The following BLVRA variants were observed in gnomAD, a reference collection of about 807,000 sequenced individuals.
BLVRA encodes BVR A.
BLVRA carries 22 observed loss-of-function variants against 32.8 expected under a neutral mutation model. The observed-to-expected ratio is 0.67, with a 90% confidence interval of 0.48 to 0.96. BLVRA has a LOEUF of 0.96. BLVRA is among the 40% of genes least tolerant of loss of function. BLVRA has a pLI of 0.00. For synonymous variants in BLVRA, 119 were observed against 141.3 expected, an observed-to-expected ratio of 0.84 and a Z score of 1.12; for missense variants, 323 against 358.1, an observed-to-expected ratio of 0.90 and a Z score of 0.79.
At chr7:43,777,892 T>C (rs1563540364) in intron 2 of BLVRA, among the ~76,000 whole-genome samples, 1 of 152,242 alleles carries the variant, frequency 6.6e-6, no homozygotes, top group Non-Finnish European at 1.5e-5. Context: ...TTTCATTCAT[T>C]TCATCTTCCG....
At chr7:43,784,033 C>CA (rs2095773695) in intron 2 of BLVRA, among the ~76,000 whole-genome samples, 1 of 152,208 alleles carries the variant, frequency 6.6e-6, no homozygotes, top group Non-Finnish European at 1.5e-5. Flanking sequence ...GAGTGCCAAA[C>CA]ACCAGCTTCT....
At chr7:43,765,148 A>C (rs1268289435) in intron 1 of BLVRA, among the ~76,000 whole-genome samples, 1 of 152,262 alleles carries the variant, frequency 6.6e-6, no homozygotes. Flanking sequence ...GTTTCTGCAA[A>C]GGTGTTGACT....
chr7:43,772,712 G>A (rs2095755979), intron 2 of BLVRA, among the ~76,000 whole-genome samples: 1 of 152,210 alleles, frequency 6.6e-6, no homozygotes, highest in African/African-American at 2.4e-5. Context: ...TTCACAAGGT[G>A]GCAAGAAGGC....
intron 1 of BLVRA, among the ~76,000 whole-genome samples, chr7:43,768,756 T>C (rs1356352566): frequency 6.6e-6 from 1 of 151,990 alleles, no homozygotes; most frequent in African/African-American, 2.4e-5. Context: ...CAGTAGGGTG[T>C]TGGGGAGGGC....
intron 2 of BLVRA, among the ~76,000 whole-genome samples, chr7:43,781,586 CT>C (rs1305764085): frequency 1.3e-5 from 2 of 152,178 alleles, no homozygotes; most frequent in Non-Finnish European, 2.9e-5. Context: ...ACCCAAATGC[CT>C]CTCGACCTCC....
At chr7:43,773,611 G>A (rs1272314959) in intron 2 of BLVRA, among the ~76,000 whole-genome samples, 6 of 152,166 alleles carry the variant, frequency 3.9e-5, no homozygotes, top group South Asian at 2.1e-4. Context: ...GTGTGCATGT[G>A]TCTTTATAGC....
rs771053277 is a variant in BLVRA at position 43,787,995 on chromosome 7, C to A, written c.104C>A (p.Ala35Glu). The change falls in exon 3 of 8, where the codon GCG becomes GAG. Residue 35 changes from alanine to glutamate, a missense_variant. Physicochemically the swap from Ala to Glu is moderately radical, Grantham distance 107. Transcript: ENST00000265523. The surrounding 1 kb of genome is among the most constrained non-coding windows in gnomAD (Gnocchi z 4.5). Reference protein sequence around the residue: ...RDLRNPHPSSAFLNLIGFVSR... With the variant: ...RDLRNPHPSSEFLNLIGFVSR... ...TTGCGGAATCCACACCCTTCCTCAG[C>A]GTTCCTGAACCTGATTGGCTTCGTG... 6.2e-6 allele frequency: 10 copies of A among 1,614,168 alleles called. No homozygotes were observed. The highest frequency in any genetic ancestry group is 7.6e-6 in the Non-Finnish European group (9 of 1,180,042).
Position 43,792,696 on chromosome 7 carries a change from T to C in BLVRA, c.255-19T>C. 6.2e-7 allele frequency: 1 copy of C among 1,603,336 alleles called. No homozygotes were observed. The highest frequency in any genetic ancestry group is 8.5e-7 in the Non-Finnish European group (1 of 1,170,242). ...TTATTCGAAGTGTTCTTTCTCTGTA[T>C]TTGTCTCGTTTACCAAAGGCAGTTC... is the stretch of plus-strand genomic sequence containing the variant. On this transcript the variant is annotated intron_variant, in intron 4 of 7. Coordinates refer to ENST00000265523, the MANE Select transcript of BLVRA (RefSeq NM_000712.4).
intron 4 of BLVRA, 160 bp downstream of exon 4, chr7:43,791,528 T>C: frequency 1.4e-6 from 1 of 734,686 alleles, no homozygotes; most frequent in Non-Finnish European, 2.3e-6. Context: ...ATTAAGAAAT[T>C]CTTATTGCTG....
At chr7:43,780,521 TC>T (rs1282911661) in intron 2 of BLVRA, among the ~76,000 whole-genome samples, 1 of 152,196 alleles carries the variant, frequency 6.6e-6, no homozygotes, top group Non-Finnish European at 1.5e-5. Flanking sequence ...TTATCCTACT[TC>T]CTGCCTCCTC....
At chr7:43,781,075 A>G (rs58496892) in intron 2 of BLVRA, among the ~76,000 whole-genome samples, 1 of 152,194 alleles carries the variant, frequency 6.6e-6, no homozygotes, top group East Asian at 1.9e-4. Context: ...CCCAGGAGGC[A>G]GAGGTTGCAG....
intron 7 of BLVRA, among the ~76,000 whole-genome samples, chr7:43,804,590 C>T (rs1164161256): frequency 6.6e-6 from 1 of 152,212 alleles, no homozygotes; most frequent in Non-Finnish European, 1.5e-5. Flanking sequence ...CTGCCATTAA[C>T]ACTGTACATG....
At chr7:43,796,404 T>C (rs1007803570) in intron 5 of BLVRA, among the ~76,000 whole-genome samples, 2 of 152,036 alleles carry the variant, frequency 1.3e-5, no homozygotes, top group Admixed American at 1.3e-4. Flanking sequence ...ATTAAACACC[T>C]CCCAATAAAG....
At chr7:43,777,823 T>G (rs1387213597) in intron 2 of BLVRA, among the ~76,000 whole-genome samples, 4 of 152,242 alleles carry the variant, frequency 2.6e-5, no homozygotes, top group African/African-American at 9.6e-5. Flanking sequence ...CCCATATTTC[T>G]TGGAGACTTT....
chr7:43,805,186 G>A (rs1296096247), intron 7 of BLVRA, among the ~76,000 whole-genome samples: 1 of 152,174 alleles, frequency 6.6e-6, no homozygotes, highest in Non-Finnish European at 1.5e-5. Context: ...TCAGCTCATG[G>A]TTCTGATGGG....
intron 1 of BLVRA, chr7:43,767,534 G>A: frequency 8.8e-7 from 1 of 1,133,892 alleles, no homozygotes; most frequent in Non-Finnish European, 1.3e-6. Flanking sequence ...TGTGGTGCTG[G>A]CCCTCTTTAT....
rs2095779107 is a variant in BLVRA at position 43,787,430 on chromosome 7, C to T, written c.13-474C>T. On this transcript the variant is annotated intron_variant, in intron 2 of 7. Transcript: ENST00000265523. The surrounding 1 kb of genome is among the most constrained non-coding windows in gnomAD (Gnocchi z 4.5). ...TGGATCCCACGCTGAGTAAGGTGAC[C>T]AATCATGGTTTGCCCATTTGCCTCC... Among the ~76,000 whole-genome samples, 1 of 152,110 alleles carries T rather than the reference C, an allele frequency of 6.6e-6. No homozygotes were observed. The highest frequency in any genetic ancestry group is 1.9e-4 in the East Asian group (1 of 5,196).
intron 2 of BLVRA, among the ~76,000 whole-genome samples, chr7:43,774,422 C>T (rs895003166): frequency 3.3e-5 from 5 of 152,150 alleles, no homozygotes; most frequent in East Asian, 1.9e-4. Flanking sequence ...TTGTTTTTGT[C>T]GGGTTTGTCA....
At chr7:43,762,404 T>G (rs1254022460) in intron 1 of BLVRA, among the ~76,000 whole-genome samples, 6 of 151,932 alleles carry the variant, frequency 3.9e-5, no homozygotes, top group Admixed American at 6.6e-5. Flanking sequence ...GACAAAGCTC[T>G]GGAGTTTCAG....
Sources: gnomAD v4.1 joint callset for allele counts (sites outside exome capture counted in the v4.1 genomes callset) on GRCh38, gnomAD v4.1.1 for gene constraint, Gnocchi (gnomAD v3.1) non-coding constraint, MANE v1.5 for transcripts, NCBI Gene and HGNC (gene_info 2026-07-23, HGNC 2026-07-21) for gene names.